Variants in LINGO1 observed in about 807,000 individuals in gnomAD.
LINGO1 encodes the protein leucine-rich repeat and immunoglobulin-like domain-containing nogo receptor-interacting protein 1.
LINGO1 carries 11 observed loss-of-function variants against 37.3 expected under a neutral mutation model. That is an observed-to-expected ratio of 0.29 (90% CI 0.19 to 0.49). The LOEUF (loss-of-function observed/expected upper bound fraction) is 0.49, where lower values mean the gene tolerates loss of function less well. Among genes scored for constraint, LINGO1 ranks in the 20% least tolerant of loss-of-function variants. LINGO1 has a pLI of 0.99. For missense variants in LINGO1, 585 were observed against 878.2 expected (o/e 0.67, Z 4.22); for synonymous variants, 387 against 403.0 (o/e 0.96, Z 0.48).
intron 3 of LINGO1, chr15:77,668,091 G>A (rs2075172211): frequency 6.6e-6 from 1 of 152,290 alleles, no homozygotes; most frequent in East Asian, 1.9e-4. Flanking sequence ...CCTACCTTGT[G>A]CATTGTGAGG....
In LINGO1 at chr15:77,701,789, G is replaced by A. The variant is rs143250794; in HGVS notation, c.-194-10888C>T. Among the ~76,000 whole-genome samples, 131 of 152,194 alleles carry A rather than the reference G, an allele frequency of 8.6e-4. 4 individuals are homozygous for A. In the East Asian group the frequency reaches 0.024, roughly 28 times the overall value. ...CTGGCACGAGTGGAAGCTCCCTGAGGCCCCCTCCCCTGATGCAGATGCCAG... is the reference window on the plus strand; with the variant it reads ...CTGGCACGAGTGGAAGCTCCCTGAGACCCCCTCCCCTGATGCAGATGCCAG... On this transcript the variant is annotated intron_variant, in intron 2 of 3. Transcript: ENST00000561686.
At chr15:77,633,092 C>T (rs761274995), upstream of LINGO1, among the ~76,000 whole-genome samples, 2 of 151,676 alleles carry the variant, frequency 1.3e-5, no homozygotes, top group Non-Finnish European at 2.9e-5. Flanking sequence ...AGCCGCTGCC[C>T]TGCACGCTTA....
At chr15:77,633,028 T>TG (rs1433609583), upstream of LINGO1, among the ~76,000 whole-genome samples, 2 of 27,080 alleles carry the variant, frequency 7.4e-5, no homozygotes, top group Non-Finnish European at 7.7e-5. Flanking sequence ...GGTGGTGGGG[T>TG]GGGGGGTGGT....
At chr15:77,635,332 T>C (rs2074375816), upstream of LINGO1, among the ~76,000 whole-genome samples, 1 of 152,150 alleles carries the variant, frequency 6.6e-6, no homozygotes, top group Non-Finnish European at 1.5e-5. Context: ...TAGGCCTTTT[T>C]GAGGGTCTAG....
chr15:77,729,401 G>A (rs182621649), intron 2 of LINGO1, among the ~76,000 whole-genome samples: 99 of 152,368 alleles, frequency 6.5e-4, no homozygotes, highest in African/African-American at 2.4e-3. Flanking sequence ...GCCCAGGACT[G>A]CAGATGTGCA....
chr15:77,658,275 C>T (rs1179747619), intron 3 of LINGO1, among the ~76,000 whole-genome samples: 2 of 152,230 alleles, frequency 1.3e-5, no homozygotes, highest in African/African-American at 4.8e-5. Flanking sequence ...TTGGAGAGCC[C>T]TCTCTGGGAC....
At chr15:77,670,118 T>G (rs2075221946) in intron 3 of LINGO1, among the ~76,000 whole-genome samples, 1 of 152,182 alleles carries the variant, frequency 6.6e-6, no homozygotes, top group Non-Finnish European at 1.5e-5. Context: ...TATTGTATGA[T>G]TCCATTTCTA....
chr15:77,789,668 C>T (rs1172907758), upstream of LINGO1, among the ~76,000 whole-genome samples: 4 of 152,242 alleles, frequency 2.6e-5, no homozygotes, highest in African/African-American at 9.6e-5. Context: ...GGCAATGTGG[C>T]CATGTAAAGA....
intron 3 of LINGO1, among the ~76,000 whole-genome samples, chr15:77,670,495 G>C (rs752983131): frequency 2.0e-5 from 3 of 152,040 alleles, no homozygotes; most frequent in Non-Finnish European, 4.4e-5. Context: ...TGGGAGGGTG[G>C]GGCCCTACCC....
At chr15:77,669,128 C>G (rs566077930) in intron 3 of LINGO1, among the ~76,000 whole-genome samples, 194 of 152,390 alleles carry the variant, frequency 1.3e-3, no homozygotes, top group East Asian at 2.5e-3. Context: ...CAGCTTCTGG[C>G]CTGGGCCGCC....
chr15:77,718,397 C>T (rs1005627798), intron 2 of LINGO1, among the ~76,000 whole-genome samples: 9 of 150,922 alleles, frequency 6.0e-5, no homozygotes, highest in African/African-American at 2.2e-4. Flanking sequence ...GCACACAGCG[C>T]CCACATGTAT....
At chr15:77,663,722 CG>C (rs2075049880) in intron 3 of LINGO1, among the ~76,000 whole-genome samples, 1 of 152,172 alleles carries the variant, frequency 6.6e-6, no homozygotes, top group African/African-American at 2.4e-5. Context: ...TCCAGAGATA[CG>C]GGCCTCCCCT....
At chr15:77,778,722 C>T (rs1361481384) in intron 1 of LINGO1, among the ~76,000 whole-genome samples, 1 of 152,226 alleles carries the variant, frequency 6.6e-6, no homozygotes, top group African/African-American at 2.4e-5. Context: ...GCCACCATCT[C>T]CCTCCGGGAT....
At chr15:77,703,518 A>G (rs2075811077) in intron 2 of LINGO1, among the ~76,000 whole-genome samples, 1 of 152,088 alleles carries the variant, frequency 6.6e-6, no homozygotes, top group Non-Finnish European at 1.5e-5. Flanking sequence ...TCTGCAACAT[A>G]AGGTGTCCAG....
In LINGO1 at chr15:77,613,989, G is replaced by A. The variant is rs559214406; in HGVS notation, c.*55C>T. Reference sequence around the variant, plus strand: ...AGGACTGGAGAGTGAGCAGGTGGCGGCCAGGCCCCTTCCCCTGCCCGGCCG... The same window carrying A: ...AGGACTGGAGAGTGAGCAGGTGGCGACCAGGCCCCTTCCCCTGCCCGGCCG... On this transcript the variant is annotated 3_prime_UTR_variant, in exon 2 of 2. Coordinates refer to ENST00000355300, the MANE Select transcript of LINGO1 (RefSeq NM_032808.7). 2 of 1,423,946 alleles carry A rather than the reference G, an allele frequency of 1.4e-6. No individual in the cohort carries two copies. Among genetic ancestry groups the A allele is most frequent in the South Asian group, 2.6e-5 (2 of 75,954 alleles). 88.2% of individuals were successfully genotyped at this position (1,423,946 alleles called of 1,614,324 possible).
rs992355780 is a variant in LINGO1, at chr15:77,709,500, C to T, written c.-194-18599G>A. On this transcript the variant is annotated intron_variant, in intron 2 of 3. Transcript: ENST00000561686. ...AGGCCTGGAATCCCAGCATCCTGACCGCCAGTTTGGGGCTGGTTCAGGCTC... is the reference window on the plus strand; with the variant it reads ...AGGCCTGGAATCCCAGCATCCTGACTGCCAGTTTGGGGCTGGTTCAGGCTC... Among the ~76,000 whole-genome samples, 42 of 152,208 alleles carry T rather than the reference C, an allele frequency of 2.8e-4. 1 individual carries two copies. Among genetic ancestry groups the T allele is most frequent in the African/African-American group, 2.4e-5 (1 of 41,440 alleles).
Position 77,771,944 on chromosome 15 carries a change from C to A in LINGO1, c.-257+14925G>T, listed in dbSNP as rs543430693. On this transcript the variant is annotated intron_variant, in intron 1 of 3. Transcript: ENST00000561686. ...CGTTCAGAGGTTGGGCCATCCCCCT[C>A]CAGCCTGGCTCCAAGGTCTGGTAGA... Among the ~76,000 whole-genome samples the A allele has an allele frequency of 5.3e-5, 8 of 152,368 alleles. No individual in the cohort carries two copies. The South Asian group carries it at 1.7e-3, about 32-fold the overall frequency.
At chr15:77,736,805 A>G (rs181560956) in intron 1 of LINGO1, among the ~76,000 whole-genome samples, 7 of 152,314 alleles carry the variant, frequency 4.6e-5, no homozygotes, top group Admixed American at 1.3e-4. Context: ...AAAGAAAAGA[A>G]AAAAGAAAAG....
chr15:77,687,783 T>C (rs1304036316), intron 2 of LINGO1, among the ~76,000 whole-genome samples: 1 of 152,184 alleles, frequency 6.6e-6, no homozygotes, highest in Admixed American at 6.5e-5. Context: ...AAAGTGAAGG[T>C]GTTGGCTGGC....
Sources: allele counts gnomAD v4.1 joint callset (sites outside exome capture counted in the v4.1 genomes callset), GRCh38; gene constraint gnomAD v4.1.1; transcripts MANE v1.5; gene names NCBI Gene and HGNC (gene_info 2026-07-23, HGNC 2026-07-21).